AHRR: variants seen among roughly 807,000 people sequenced by gnomAD.
The protein encoded by AHRR is ahR repressor.
In AHRR, 28 loss-of-function variants were observed where a neutral mutation model predicts 44.0. That is an observed-to-expected ratio of 0.64 (90% confidence interval 0.47 to 0.87). The LOEUF (loss-of-function observed/expected upper bound fraction) is 0.87, where lower values mean the gene tolerates loss of function less well. Among genes scored for constraint, AHRR ranks in the 40% least tolerant of loss-of-function variants. The pLI is 0.00. For synonymous variants in AHRR, 434 were observed against 407.0 expected (o/e 1.07, Z -0.80); for missense variants, 990 against 953.9 (o/e 1.04, Z -0.50).
rs190609689 is a variant in AHRR at position 414,435 on chromosome 5, C to T, written c.441+1002C>T. On this transcript the variant is annotated intron_variant, in intron 5 of 10. Transcript: ENST00000684583. ...GGACCCCCAGGATCTGGAAATCAGG[C>T]GTACTGCAGACTGATAGATTTCTGG... Among the ~76,000 whole-genome samples the T allele has an allele frequency of 3.9e-5, 6 of 152,152 alleles. No homozygotes were observed. The East Asian group carries it at 5.8e-4, about 15-fold the overall frequency.
At chr5:422,707 T>C (rs2126532996) in intron 5 of AHRR, 22 bp from the exon 6 acceptor site, 2 of 1,614,072 alleles carry the variant, frequency 1.2e-6, no homozygotes, top group Non-Finnish European at 1.7e-6. Context: ...AAGGCTGAAA[T>C]AATCTTGTTG....
At position 434,356 on chromosome 5, in the gene AHRR, C is replaced by G. The variant is rs2126553631; in HGVS notation, c.1616C>G (p.Ser539Cys). Residue 539 changes from serine to cysteine, a missense_variant, in exon 11 of 11, where the codon TCT (serine) becomes TGT (cysteine). Ser to Cys is a moderately radical substitution (Grantham distance 112). Transcript: ENST00000684583. ...LDVSIKMEKD[S>C]GCEGAADGCV... ...GTGTCCATCAAGATGGAGAAGGACT[C>G]TGGGTGTGAGGGTGCTGCAGACGGC... 6.2e-7 allele frequency: 1 copy of G among 1,613,380 alleles called. No homozygotes were observed. The highest frequency in any genetic ancestry group is 8.5e-7 in the Non-Finnish European group (1 of 1,179,866).
chr5:424,135 G>A (rs1736269410), intron 7 of AHRR, among the ~76,000 whole-genome samples, 158 bp downstream of exon 7: 1 of 150,766 alleles, frequency 6.6e-6, no homozygotes, highest in South Asian at 2.1e-4. Context: ...ACCCTGTGAT[G>A]GTGTGGGGGT....
chr5:362,199 T>C (rs1246412624), intron 3 of AHRR, among the ~76,000 whole-genome samples: 1 of 152,198 alleles, frequency 6.6e-6, no homozygotes, highest in Non-Finnish European at 1.5e-5. Flanking sequence ...GAAATTCATG[T>C]GAAGATGCAG....
intron 5 of AHRR, among the ~76,000 whole-genome samples, chr5:421,905 A>G (rs1560920232): frequency 6.6e-6 from 1 of 152,206 alleles, no homozygotes; most frequent in Non-Finnish European, 1.5e-5. Context: ...AGGAAGAACC[A>G]CTTGGTTATT....
chr5:381,807 C>T (rs1424411145), intron 4 of AHRR, among the ~76,000 whole-genome samples: 1 of 152,114 alleles, frequency 6.6e-6, no homozygotes. Context: ...AGCCACCGTA[C>T]CCAGCCTGCT....
rs1440847327 is a variant in AHRR at position 426,648 on chromosome 5, TAGAA to T, written c.709-1155_709-1152del. Reference sequence around the variant, plus strand: ...ATGGGTGGATGGATGGATGGATAGATAGAAAGATGGATGGGTGGATGGGTGGACG... The same window carrying T: ...ATGGGTGGATGGATGGATGGATAGATAGATGGATGGGTGGATGGGTGGACG... On this transcript the variant is annotated intron_variant, in intron 7 of 10. Coordinates refer to ENST00000684583, the MANE Select transcript of AHRR (RefSeq NM_001377236.1). Among the ~76,000 whole-genome samples, 277 of 146,996 alleles carry T rather than the reference TAGAA, an allele frequency of 1.9e-3. 11 individuals are homozygous for T. The East Asian group carries it at 0.02, about 11-fold the overall frequency.
intron 4 of AHRR, among the ~76,000 whole-genome samples, chr5:378,549 G>A (rs369132579): frequency 1.4e-4 from 22 of 152,328 alleles, no homozygotes; most frequent in African/African-American, 4.8e-4. Flanking sequence ...CCAAGCCTCC[G>A]GCCTTCCCCA....
chr5:430,463 A>G (rs7728280), intron 8 of AHRR, among the ~76,000 whole-genome samples: 152,255 of 152,384 alleles, frequency 1, 76,064 homozygotes, highest in Non-Finnish European at 1. Flanking sequence ...GCCCCAGGGG[A>G]CCTGCAAAGG....
At chr5:396,349 G>T (rs1008832944) in intron 4 of AHRR, among the ~76,000 whole-genome samples, 1 of 152,148 alleles carries the variant, frequency 6.6e-6, no homozygotes, top group Non-Finnish European at 1.5e-5. Flanking sequence ...GGTGATGGGG[G>T]TGGAGAACCA....
At position 422,757 on chromosome 5, in the gene AHRR, A is replaced by G; in HGVS notation, c.470A>G (p.Asp157Gly). The G allele has an allele frequency of 1.9e-6, 3 of 1,614,088 alleles. No homozygotes were observed. The highest frequency in any genetic ancestry group is 2.5e-6 in the Non-Finnish European group (3 of 1,180,026). The change falls in exon 6 of 11, where the codon GAC (aspartate) becomes GGC (glycine). Residue 157 changes from aspartate (D) to glycine (G), a missense_variant. Coordinates refer to ENST00000684583, the MANE Select transcript of AHRR (RefSeq NM_001377236.1). Reference sequence around the variant, plus strand: ...GATGTAATGCACCAGAACATTTATGACTACATCCACGTGGACGACCGCCAG... The same window carrying G: ...GATGTAATGCACCAGAACATTTATGGCTACATCCACGTGGACGACCGCCAG... The part of the protein sequence containing the change: ...QTDVMHQNIY[D>G]YIHVDDRQDF...
intron 5 of AHRR, chr5:421,191 G>C (rs984749366): frequency 1.5e-6 from 1 of 645,952 alleles, no homozygotes; most frequent in Non-Finnish European, 2.8e-6. Flanking sequence ...GTGCCGGGCA[G>C]GAGGCCCTTG....
intron 4 of AHRR, among the ~76,000 whole-genome samples, chr5:408,866 G>C (rs963586073): frequency 3.9e-5 from 6 of 152,120 alleles, no homozygotes; most frequent in African/African-American, 1.2e-4. Context: ...TACAGGAGTT[G>C]ATCTTTTAAG....
intron 1 of AHRR, among the ~76,000 whole-genome samples, chr5:330,851 T>C (rs1408458226): frequency 2.0e-5 from 3 of 150,220 alleles, no homozygotes; most frequent in Non-Finnish European, 4.4e-5. Flanking sequence ...TTTTTTTGCA[T>C]GTTTGGTATA....
In AHRR at chr5:420,780, C is replaced by T. The variant is rs1006476273; in HGVS notation, c.442-1949C>T. 6 of 98,042 alleles carry T rather than the reference C, an allele frequency of 6.1e-5. 1 individual carries two copies. Among genetic ancestry groups the T allele is most frequent in the Non-Finnish European group, 9.3e-5 (5 of 53,488 alleles). The allele number at this position is 98,042 out of a possible 1,614,324, so 6.1% of individuals were successfully genotyped here. A position where few individuals can be genotyped will look rare whatever the true frequency, so the allele number is the denominator to read the frequency against. On this transcript the variant is annotated intron_variant, in intron 5 of 10. Coordinates refer to ENST00000684583, the MANE Select transcript of AHRR (RefSeq NM_001377236.1). Reference sequence around the variant, plus strand: ...CAGTGGGGATTCCAGAAAGAGACACCTCCGCGCTGCACGCACGCAGCCACG... The same window carrying T: ...CAGTGGGGATTCCAGAAAGAGACACTTCCGCGCTGCACGCACGCAGCCACG...
chr5:434,723 C>T lies in AHRR; in HGVS notation c.1983C>T (p.Asp661=), dbSNP rs991478388. Residue 661 remains aspartate, a synonymous_variant, in exon 11 of 11, where the codon GAC becomes GAT. Transcript: ENST00000684583. ...AAPVVKREPL[D]SPQWATHSQG... Reference sequence around the variant, plus strand: ...CTGTGGTCAAGCGGGAGCCCTTGGACTCACCCCAGTGGGCTACTCACAGCC... The same window carrying T: ...CTGTGGTCAAGCGGGAGCCCTTGGATTCACCCCAGTGGGCTACTCACAGCC... 6.4e-7 allele frequency: 1 copy of T among 1,572,810 alleles called. No individual in the cohort carries two copies. The highest frequency in any genetic ancestry group is 8.6e-7 in the Non-Finnish European group (1 of 1,158,946).
chr5:391,373 T>TGGGCGCAGGGCGAGGA (rs1158800151), intron 4 of AHRR, among the ~76,000 whole-genome samples: 2 of 70,428 alleles, frequency 2.8e-5, no homozygotes, highest in Non-Finnish European at 5.3e-5. Context: ...AGAGCGTGCA[T>TGGGCGCAGGGCGAGGA]GGGCGCAGGG....
intron 3 of AHRR, 149 bp downstream of exon 3, chr5:354,060 A>G: frequency 1.1e-6 from 1 of 884,110 alleles, no homozygotes; most frequent in Non-Finnish European, 1.7e-6. Flanking sequence ...CAGAACCTGG[A>G]GACTTGGCCC....
chr5:421,230 G>A (rs1560919713), intron 5 of AHRR: 1 of 688,144 alleles, frequency 1.5e-6, no homozygotes, highest in Non-Finnish European at 2.6e-6. Flanking sequence ...CGTCGGCAAC[G>A]CCCACCCCGC....
Sources: allele counts gnomAD v4.1 joint callset (sites outside exome capture counted in the v4.1 genomes callset), GRCh38; gene constraint gnomAD v4.1.1; transcripts MANE v1.5; gene names NCBI Gene and HGNC (gene_info 2026-07-23, HGNC 2026-07-21).